Variants in TNRC6B observed in about 807,000 individuals in gnomAD.
TNRC6B encodes the protein trinucleotide repeat containing adaptor 6B, also known as trinucleotide repeat-containing gene 6B protein.
TNRC6B carries 52 observed loss-of-function variants against 203.6 expected under a neutral mutation model. The ratio of observed to expected loss-of-function variants is 0.26; its 90% CI spans 0.20 to 0.32. TNRC6B has a LOEUF of 0.32. TNRC6B is among the 10% of genes least tolerant of loss of function. TNRC6B has a pLI of 1.00. For missense variants in TNRC6B, 1,923 were observed against 2,286.2 expected (o/e 0.84, Z 3.24); for synonymous variants, 838 against 845.7 (o/e 0.99, Z 0.16).
chr22:40,287,328 C>T (rs1226303718), intron 12 of TNRC6B, among the ~76,000 whole-genome samples: 1 of 152,104 alleles, frequency 6.6e-6, no homozygotes, highest in African/African-American at 2.4e-5. Flanking sequence ...TTTTGAAATG[C>T]CCTTTAAGAC....
At chr22:40,149,257 C>T (rs1364465936) in intron 3 of TNRC6B, among the ~76,000 whole-genome samples, 1 of 152,144 alleles carries the variant, frequency 6.6e-6, no homozygotes, top group Non-Finnish European at 1.5e-5. Flanking sequence ...AGAAGCCAGA[C>T]AGAAAAAGAG....
At position 40,326,469 on chromosome 22, in the gene TNRC6B, C is replaced by A. The variant is rs1479716024; in HGVS notation, c.*3228C>A. 1 of 152,516 alleles carries A rather than the reference C, an allele frequency of 6.6e-6. No individual in the cohort carries two copies. Among genetic ancestry groups the A allele is most frequent in the Non-Finnish European group, 1.5e-5 (1 of 68,012 alleles). The allele number at this position is 152,516 out of a possible 1,614,324, so 9.4% of individuals were successfully genotyped here. A position where few individuals can be genotyped will look rare whatever the true frequency, so the allele number is the denominator to read the frequency against. ...GGAGAAGGATTAAGCTTTGTAAGAG[C>A]TCGATCATGGATTCTTTTGAAATTG... On this transcript the variant is annotated 3_prime_UTR_variant, in exon 23 of 23. Coordinates refer to ENST00000454349, the MANE Select transcript of TNRC6B (RefSeq NM_001162501.2).
rs1256220059 is a variant in TNRC6B at position 40,298,965 on chromosome 22, C to CA, written c.3709-1478dup. Among the ~76,000 whole-genome samples the CA allele has an allele frequency of 6.4e-3, 888 of 139,544 alleles. 5 individuals are homozygous for CA. Among genetic ancestry groups the CA allele is most frequent in the African/African-American group, 0.018 (702 of 38,126 alleles). 91.5% of individuals were successfully genotyped at this position (139,544 alleles called of 152,430 possible). A position where few individuals can be genotyped will look rare whatever the true frequency, so the allele number is the denominator to read the frequency against. ...TGGGTGAAAGAGCGAGACTCCGTCT[C>CA]AAAAAAAAAAAAGAAATGGCAGAGC... is the stretch of plus-strand genomic sequence containing the variant. On this transcript the variant is annotated intron_variant, in intron 12 of 22. Transcript: ENST00000454349.
At chr22:40,114,936 A>C (rs965929168) in intron 1 of TNRC6B, among the ~76,000 whole-genome samples, 16 of 152,186 alleles carry the variant, frequency 1.1e-4, no homozygotes, top group Non-Finnish European at 1.6e-4. Context: ...TGATTTTATA[A>C]TTAATTTTTA....
intron 1 of TNRC6B, among the ~76,000 whole-genome samples, chr22:40,207,788 T>C (rs1194011321): frequency 6.6e-6 from 1 of 152,062 alleles, no homozygotes; most frequent in Admixed American, 6.5e-5. Flanking sequence ...TCCCATTTTA[T>C]ACTCATAAAA....
chr22:40,206,450 TAGAC>T (rs1012581306), intron 1 of TNRC6B, among the ~76,000 whole-genome samples: 44 of 146,468 alleles, frequency 3.0e-4, no homozygotes, highest in African/African-American at 9.7e-4. Flanking sequence ...AACATCTAAA[TAGAC>T]AGAGCTTTGT....
chr22:40,094,513 G>A (rs1322003527), intron 1 of TNRC6B, among the ~76,000 whole-genome samples: 3 of 152,178 alleles, frequency 2.0e-5, no homozygotes, highest in South Asian at 4.1e-4. Context: ...GTTGATGAAA[G>A]TGTTGTGAAG....
intron 1 of TNRC6B, among the ~76,000 whole-genome samples, chr22:40,086,747 C>T (rs796677507): frequency 3.3e-5 from 5 of 151,906 alleles, no homozygotes; most frequent in African/African-American, 9.7e-5. Flanking sequence ...TTTCGTTTGT[C>T]GTTAGAGAAA....
At chr22:40,207,634 A>G (rs2069500196) in intron 1 of TNRC6B, among the ~76,000 whole-genome samples, 1 of 151,864 alleles carries the variant, frequency 6.6e-6, no homozygotes, top group Admixed American at 6.6e-5. Flanking sequence ...CTAATCAATA[A>G]GAAAAAGACC....
chr22:40,259,469 A>G (rs778101054), intron 3 of TNRC6B, among the ~76,000 whole-genome samples: 1 of 152,110 alleles, frequency 6.6e-6, no homozygotes, highest in Non-Finnish European at 1.5e-5. Flanking sequence ...TGATCTACCC[A>G]CCTCGGCCTC....
intron 1 of TNRC6B, among the ~76,000 whole-genome samples, chr22:40,115,906 G>T (rs920533297): frequency 6.6e-6 from 1 of 152,198 alleles, no homozygotes; most frequent in African/African-American, 2.4e-5. Flanking sequence ...TTGCTCTTCA[G>T]CAAGAAAGAC....
At chr22:40,142,167 G>A (rs527960278) in intron 3 of TNRC6B, among the ~76,000 whole-genome samples, 1 of 150,024 alleles carries the variant, frequency 6.7e-6, no homozygotes, top group South Asian at 2.1e-4. Flanking sequence ...CAAAGGATCC[G>A]CCCACCTCAG....
intron 1 of TNRC6B, among the ~76,000 whole-genome samples, chr22:40,186,879 C>G (rs1191562238): frequency 6.7e-6 from 1 of 150,306 alleles, no homozygotes; most frequent in Non-Finnish European, 1.5e-5. Flanking sequence ...TTTTTTGTAC[C>G]AAGACTTTGA....
At chr22:40,258,283 T>C (rs1012313960) in intron 3 of TNRC6B, among the ~76,000 whole-genome samples, 2 of 152,024 alleles carry the variant, frequency 1.3e-5, no homozygotes. Context: ...ATTCAGACTT[T>C]TAATGATAGC....
chr22:40,093,795 T>A (rs1277729793), intron 1 of TNRC6B, among the ~76,000 whole-genome samples: 1 of 152,234 alleles, frequency 6.6e-6, no homozygotes, highest in East Asian at 1.9e-4. Flanking sequence ...GTTTAACTTC[T>A]CCGTTTCCTT....
At chr22:40,295,436 T>G (rs886263065) in intron 12 of TNRC6B, among the ~76,000 whole-genome samples, 1 of 147,056 alleles carries the variant, frequency 6.8e-6, no homozygotes, top group Admixed American at 6.9e-5. Context: ...GTCATGCCAT[T>G]GCACTCCAGC....
intron 3 of TNRC6B, among the ~76,000 whole-genome samples, chr22:40,135,605 G>C (rs2068593180): frequency 6.6e-6 from 1 of 152,152 alleles, no homozygotes; most frequent in Admixed American, 6.5e-5. Flanking sequence ...GGGCTCAAGT[G>C]ATCTTCCCAC....
chr22:40,304,863 GCAAT>G (rs1428349049), intron 15 of TNRC6B, among the ~76,000 whole-genome samples: 1 of 152,200 alleles, frequency 6.6e-6, no homozygotes, highest in African/African-American at 2.4e-5. Flanking sequence ...TATCTATGCT[GCAAT>G]TATGATTGTG....
intron 3 of TNRC6B, among the ~76,000 whole-genome samples, chr22:40,142,358 A>G (rs952209835): frequency 2.6e-5 from 4 of 152,076 alleles, no homozygotes; most frequent in Non-Finnish European, 5.9e-5. Context: ...CACCGTGCAC[A>G]GCCACCAGAT....
Sources: allele counts gnomAD v4.1 joint callset (sites outside exome capture counted in the v4.1 genomes callset), GRCh38; gene constraint gnomAD v4.1.1; transcripts MANE v1.5; gene names NCBI Gene and HGNC (gene_info 2026-07-23, HGNC 2026-07-21).